LPA: variants seen among roughly 807,000 people sequenced by gnomAD.
LPA encodes the protein apolipoprotein(a).
LPA carries 199 observed loss-of-function variants against 197.9 expected under a neutral mutation model. The ratio of observed to expected loss-of-function variants is 1.01; its 90% confidence interval spans 0.90 to 1.13. The LOEUF is 1.13. LPA is among the 50% of genes most tolerant of loss of function. The pLI, the probability that LPA is intolerant of heterozygous loss-of-function variation, is 0.00. For missense variants in LPA, 1,853 were observed against 1,785.8 expected, an observed-to-expected ratio of 1.04 and a Z score of -0.68; for synonymous variants, 715 against 639.5, an observed-to-expected ratio of 1.12 and a Z score of -1.78.
intron 1 of LPA, among the ~76,000 whole-genome samples, chr6:160,654,880 A>T (rs571996354): frequency 1.3e-5 from 2 of 152,198 alleles, no homozygotes; most frequent in African/African-American, 2.4e-5. Flanking sequence ...GTGCAGAACC[A>T]TCTATGAACC....
chr6:160,603,712 G>A (rs1779288764), intron 18 of LPA, among the ~76,000 whole-genome samples: 1 of 152,170 alleles, frequency 6.6e-6, no homozygotes, highest in Non-Finnish European at 1.5e-5. Flanking sequence ...ACATAGCTGA[G>A]CCACTTGACT....
rs1404893016 is a variant in LPA, at chr6:160,531,852, G to A, written c.6000C>T (p.Asp2000=). 1 of 1,613,940 alleles carries A rather than the reference G, an allele frequency of 6.2e-7. No individual in the cohort carries two copies. The highest frequency in any genetic ancestry group is 1.3e-5 in the African/African-American group (1 of 74,868). Residue 2000 remains aspartate (D), a synonymous_variant, in exon 39 of 39, where the codon GAC becomes GAT. Transcript: ENST00000316300. ...SGGPLVCFEK[D]KYILQGVTSW... ...AAGTGACTCCTTGTAAAATGTATTT[G>A]TCCTTCTCGAAGCAAACCAGAGGCC...
At chr6:160,661,297 AAG>A (rs1780222198) in intron 1 of LPA, among the ~76,000 whole-genome samples, 1 of 152,232 alleles carries the variant, frequency 6.6e-6, no homozygotes. Flanking sequence ...GAGTGGGTTA[AAG>A]AGTGACTAGA....
chr6:160,570,271 G>A (rs1778539086), intron 28 of LPA, among the ~76,000 whole-genome samples: 1 of 152,212 alleles, frequency 6.6e-6, no homozygotes, highest in Admixed American at 6.5e-5. Flanking sequence ...TTAAGAAAAT[G>A]TGGCACATAT....
intron 1 of LPA, among the ~76,000 whole-genome samples, chr6:160,656,201 C>T (rs764917383): frequency 2.6e-5 from 4 of 152,198 alleles, no homozygotes; most frequent in African/African-American, 9.7e-5. Context: ...ACCACCCCTG[C>T]GTCTTTCAAG....
chr6:160,583,760 T>C (rs921289919), intron 26 of LPA, among the ~76,000 whole-genome samples: 1 of 150,890 alleles, frequency 6.6e-6, no homozygotes, highest in Admixed American at 6.6e-5. Flanking sequence ...TCGGTTTTAT[T>C]AGTAAACAAA....
At chr6:160,551,928 T>C (rs1778172954) in intron 30 of LPA, among the ~76,000 whole-genome samples, 1 of 151,758 alleles carries the variant, frequency 6.6e-6, no homozygotes, top group East Asian at 1.9e-4. Context: ...TTTTTTTTTT[T>C]TTTGAGACAG....
At chr6:160,592,194 C>T (rs946352010) in intron 22 of LPA, among the ~76,000 whole-genome samples, 1 of 152,050 alleles carries the variant, frequency 6.6e-6, no homozygotes, top group African/African-American at 2.4e-5. Context: ...GTCCTTGAGG[C>T]TCTGTTGATT....
intron 36 of LPA, among the ~76,000 whole-genome samples, chr6:160,539,248 C>T (rs972788037): frequency 1.8e-4 from 28 of 152,166 alleles, no homozygotes; most frequent in African/African-American, 6.5e-4. Flanking sequence ...TCACCTGTCC[C>T]AAACCTGCCT....
At chr6:160,609,101 G>A (rs1779423799) in intron 16 of LPA, among the ~76,000 whole-genome samples, 1 of 151,660 alleles carries the variant, frequency 6.6e-6, no homozygotes, top group African/African-American at 2.4e-5. Flanking sequence ...TTAAATATTT[G>A]AAATAGTTAT....
intron 25 of LPA, among the ~76,000 whole-genome samples, chr6:160,585,440 A>G (rs990002015): frequency 6.6e-6 from 1 of 152,170 alleles, no homozygotes; most frequent in Non-Finnish European, 1.5e-5. Flanking sequence ...AAAGAAACAA[A>G]CAAAAAACAG....
chr6:160,605,430 A>C (rs1389578848), intron 17 of LPA, among the ~76,000 whole-genome samples: 2 of 152,250 alleles, frequency 1.3e-5, no homozygotes, highest in African/African-American at 2.4e-5. Flanking sequence ...ACACTTTAGA[A>C]CTGTAGTAAG....
chr6:160,607,603 C>A (rs1582882299), intron 16 of LPA, among the ~76,000 whole-genome samples: 1 of 152,120 alleles, frequency 6.6e-6, no homozygotes, highest in South Asian at 2.1e-4. Flanking sequence ...CTCCCAAGAA[C>A]GTTGCTCCAA....
chr6:160,659,410 C>A (rs1202704964), intron 1 of LPA, among the ~76,000 whole-genome samples: 1 of 152,178 alleles, frequency 6.6e-6, no homozygotes, highest in Non-Finnish European at 1.5e-5. Context: ...GAGCTTCACC[C>A]CACAAAAACA....
At chr6:160,597,497 T>C (rs1779156884) in intron 20 of LPA, among the ~76,000 whole-genome samples, 1 of 152,226 alleles carries the variant, frequency 6.6e-6, no homozygotes, top group Non-Finnish European at 1.5e-5. Context: ...TGTGTGTATA[T>C]ATGTGCAGCT....
intron 29 of LPA, among the ~76,000 whole-genome samples, chr6:160,556,644 T>C (rs1778269713): frequency 6.6e-6 from 1 of 152,128 alleles, no homozygotes; most frequent in Non-Finnish European, 1.5e-5. Flanking sequence ...CAGTTCATGG[T>C]CCTGCATCTA....
intron 16 of LPA, among the ~76,000 whole-genome samples, 169 bp from the exon 17 acceptor site, chr6:160,606,827 G>C (rs1459441452): frequency 6.6e-6 from 1 of 151,984 alleles, no homozygotes; most frequent in South Asian, 2.1e-4. Context: ...CACTAATCCT[G>C]TCTGCACATT....
At chr6:160,655,735 T>C (rs906259651) in intron 1 of LPA, among the ~76,000 whole-genome samples, 2 of 152,230 alleles carry the variant, frequency 1.3e-5, no homozygotes, top group South Asian at 4.1e-4. Flanking sequence ...GGCATACAAA[T>C]GTCTCACCAA....
intron 32 of LPA, among the ~76,000 whole-genome samples, chr6:160,547,141 G>T (rs1037753440): frequency 1.3e-5 from 2 of 152,096 alleles, no homozygotes; most frequent in African/African-American, 4.8e-5. Flanking sequence ...TTATTACATT[G>T]TAATATATAA....
Sources: gnomAD v4.1 joint callset for allele counts (sites outside exome capture counted in the v4.1 genomes callset) on GRCh38, gnomAD v4.1.1 for gene constraint, MANE v1.5 for transcripts, NCBI Gene and HGNC (gene_info 2026-07-23, HGNC 2026-07-21) for gene names.